CROCC2: variants seen among roughly 807,000 people sequenced by gnomAD.
CROCC2 encodes the protein ciliary rootlet coiled-coil protein 2.
In CROCC2, 163 loss-of-function variants were observed where a neutral mutation model predicts 177.6. The observed-to-expected ratio is 0.92, with a 90% CI of 0.81 to 1.05. The LOEUF (loss-of-function observed/expected upper bound fraction) is 1.05. Ranked by LOEUF, CROCC2 falls within the 50% of genes least tolerant of loss-of-function variation. CROCC2 has a pLI of 0.00. For synonymous variants in CROCC2, 904 were observed against 787.3 expected, an observed-to-expected ratio of 1.15 and a Z score of -2.48; for missense variants, 1,929 against 1,797.8, an observed-to-expected ratio of 1.07 and a Z score of -1.32.
intron 7 of CROCC2, among the ~76,000 whole-genome samples, chr2:240,931,607 G>A (rs577861151): frequency 2.0e-5 from 3 of 152,348 alleles, no homozygotes; most frequent in East Asian, 1.9e-4. Flanking sequence ...CCACATCGGG[G>A]GCTCAGAGGT....
At chr2:240,952,603 A>G (rs1460306679) in intron 18 of CROCC2, among the ~76,000 whole-genome samples, 1 of 152,246 alleles carries the variant, frequency 6.6e-6, no homozygotes, top group Non-Finnish European at 1.5e-5. Context: ...GAGGAATGGT[A>G]GTGTTGAGTG....
At chr2:240,987,412 A>G (rs749011312) in intron 28 of CROCC2, among the ~76,000 whole-genome samples, 64 of 152,156 alleles carry the variant, frequency 4.2e-4, no homozygotes, top group Non-Finnish European at 8.2e-4. Context: ...TCTTTATAAC[A>G]TGCACTTCCA....
rs889159069 is a variant in CROCC2 at position 240,930,246 on chromosome 2, C to A, written c.726C>A (p.Ala242=). 3.5e-6 allele frequency: 2 copies of A among 576,934 alleles called. No homozygotes were observed. Among genetic ancestry groups the A allele is most frequent in the South Asian group, 2.2e-5 (1 of 44,558 alleles). 35.7% of individuals were successfully genotyped at this position (576,934 alleles called of 1,614,324 possible). Residue 242 remains alanine (A), a synonymous_variant, in exon 6 of 32, where the codon GCC becomes GCA. Transcript: ENST00000690015. Reference sequence around the variant, plus strand: ...CCGTGGTGCTGGGGACAGACCTGGCCGAGCTGCGTGTAGCCACTGAGAGGT... The same window carrying A: ...CCGTGGTGCTGGGGACAGACCTGGCAGAGCTGCGTGTAGCCACTGAGAGGT... ...RQAVVLGTDL[A]ELRVATERGL...
Position 240,966,243 on chromosome 2 carries a change from C to A in CROCC2, c.3980C>A (p.Ala1327Asp). Reference protein sequence around the residue: ...SPTKGSDSSQALPGQQGTSPP... With the variant: ...SPTKGSDSSQDLPGQQGTSPP... The stretch of plus-strand genomic sequence containing the variant: ...CCCGCAGGCTCCGACAGCTCCCAGG[C>A]TCTCCCTGGGCAACAGGGTACCAGC... Residue 1327 changes from alanine (A) to aspartate (D), a missense_variant, in exon 25 of 32, where the codon GCT becomes GAT. Transcript: ENST00000690015. 1.3e-6 allele frequency: 1 copy of A among 743,916 alleles called. No homozygotes were observed. Among genetic ancestry groups the A allele is most frequent in the Non-Finnish European group, 1.9e-6 (1 of 539,056 alleles). The allele number at this position is 743,916 out of a possible 1,614,324, so 46.1% of individuals were successfully genotyped here.
intron 19 of CROCC2, chr2:240,956,453 A>T (rs934713563): frequency 6.0e-5 from 10 of 166,028 alleles, no homozygotes; most frequent in Admixed American, 1.1e-4. Flanking sequence ...GGACACCCAC[A>T]TTGAGTCCTG....
intron 27 of CROCC2, among the ~76,000 whole-genome samples, chr2:240,975,715 C>T (rs1026454216): frequency 6.8e-6 from 1 of 146,364 alleles, no homozygotes; most frequent in African/African-American, 2.6e-5. Flanking sequence ...ATCCAACCAG[C>T]CTGCTTTTTT....
At chr2:240,920,340 T>A (rs1233127899) in intron 3 of CROCC2, among the ~76,000 whole-genome samples, 1 of 151,840 alleles carries the variant, frequency 6.6e-6, no homozygotes, top group Non-Finnish European at 1.5e-5. Flanking sequence ...AGGCCAGAGG[T>A]GGGAGGCCAA....
intron 1 of CROCC2, among the ~76,000 whole-genome samples, 192 bp downstream of exon 1, chr2:240,906,783 A>ACAGG (rs2059257150): frequency 6.6e-6 from 1 of 152,210 alleles, no homozygotes; most frequent in South Asian, 2.1e-4. Flanking sequence ...GCATGCACAC[A>ACAGG]CAGGCAGCCT....
At chr2:240,967,511 G>C in intron 26 of CROCC2, 46 bp downstream of exon 26, 1 of 1,544,558 alleles carries the variant, frequency 6.5e-7, no homozygotes, top group Non-Finnish European at 8.7e-7. Context: ...GTGGCTGTGA[G>C]AGTGGCACCA....
intron 20 of CROCC2, chr2:240,959,873 C>T (rs74001711): frequency 0.028 from 4,403 of 158,612 alleles, 150 homozygotes; most frequent in East Asian, 0.16. Flanking sequence ...GGTCCCGACG[C>T]GGCTCCTGCT....
At chr2:240,925,000 CCCCCCACACTGA>C (rs1201598673) in intron 4 of CROCC2, among the ~76,000 whole-genome samples, 1 of 85,440 alleles carries the variant, frequency 1.2e-5, no homozygotes. Flanking sequence ...ACTGACCCGG[CCCCCCACACTGA>C]CCCAGCCCCC....
intron 1 of CROCC2, among the ~76,000 whole-genome samples, chr2:240,912,912 C>T (rs971462128): frequency 6.6e-6 from 1 of 152,336 alleles, no homozygotes; most frequent in Admixed American, 6.5e-5. Context: ...GTCCCCACCA[C>T]GGGACAGGAG....
intron 14 of CROCC2, among the ~76,000 whole-genome samples, chr2:240,944,028 A>G (rs566712224): frequency 4.6e-5 from 7 of 152,290 alleles, no homozygotes; most frequent in African/African-American, 1.7e-4. Context: ...TCAACAACCC[A>G]CCTCACCATT....
intron 15 of CROCC2, among the ~76,000 whole-genome samples, chr2:240,946,673 G>A (rs1423483869): frequency 6.6e-6 from 1 of 152,192 alleles, no homozygotes; most frequent in Admixed American, 6.5e-5. Flanking sequence ...TCCCAGGCAG[G>A]CTTACTCTGA....
chr2:240,983,281 A>T (rs1460078245), intron 28 of CROCC2: 1 of 998,040 alleles, frequency 1.0e-6, no homozygotes, highest in Non-Finnish European at 1.4e-6. Context: ...TACAGTAAGC[A>T]CCCCTACAAC....
intron 27 of CROCC2, among the ~76,000 whole-genome samples, chr2:240,981,286 G>A (rs1326592289): frequency 1.3e-5 from 2 of 152,084 alleles, no homozygotes; most frequent in African/African-American, 4.8e-5. Flanking sequence ...CTCAGGCTCT[G>A]GGGTAGGAGC....
Position 240,949,863 on chromosome 2 carries a change from G to T in CROCC2, c.2652+161G>T, listed in dbSNP as rs1450287138. Among the ~76,000 whole-genome samples, 1 of 152,190 alleles carries T rather than the reference G, an allele frequency of 6.6e-6. No individual in the cohort carries two copies. Among genetic ancestry groups the T allele is most frequent in the Admixed American group, 6.5e-5 (1 of 15,288 alleles). On this transcript the variant is annotated intron_variant, in intron 17 of 31. Transcript: ENST00000690015. The surrounding 1 kb of genome is among the most constrained non-coding windows in gnomAD (Gnocchi z 4.5). ...CAGCTCACTCTTTATAGTTCACGTG[G>T]GCATCCAGGGCCTTCCCCGTGGAGC...
Position 240,934,989 on chromosome 2 carries a change from C to T in CROCC2, c.1865C>T (p.Ser622Phe), listed in dbSNP as rs770652695. ...TCGGAGGGAGTGGAGCAAAGGGACT[C>T]CCTGGCCGCAATGGCCGCCTTGATG... ...LKSEGVEQRDSLAAMAALMEG... is the reference protein window; with the variant it reads ...LKSEGVEQRDFLAAMAALMEG... Residue 622 changes from serine to phenylalanine, a missense_variant, in exon 13 of 32, where the codon TCC becomes TTC. Transcript: ENST00000690015. 1 of 1,460,828 alleles carries T rather than the reference C, an allele frequency of 6.8e-7. No homozygotes were observed. Among genetic ancestry groups the T allele is most frequent in the Non-Finnish European group, 9.1e-7 (1 of 1,104,532 alleles). The allele number at this position is 1,460,828 out of a possible 1,614,324, so 90.5% of individuals were successfully genotyped here.
At chr2:240,939,115 T>G (rs2059483882) in intron 14 of CROCC2, among the ~76,000 whole-genome samples, 1 of 152,164 alleles carries the variant, frequency 6.6e-6, no homozygotes, top group Non-Finnish European at 1.5e-5. Flanking sequence ...GTTTCACCAT[T>G]AAATATGATG....
Sources: allele counts gnomAD v4.1 joint callset (sites outside exome capture counted in the v4.1 genomes callset), GRCh38; gene constraint gnomAD v4.1.1; non-coding constraint Gnocchi (gnomAD v3.1); transcripts MANE v1.5; gene names NCBI Gene and HGNC (gene_info 2026-07-23, HGNC 2026-07-21).